NCAN: variants seen among roughly 807,000 people sequenced by gnomAD.
NCAN encodes the protein neurocan.
A neutral mutation model predicts 121.8 loss-of-function variants in NCAN; 47 were observed. The observed-to-expected ratio is 0.39, with a 90% CI of 0.31 to 0.49. NCAN has a LOEUF of 0.49. Ranked by LOEUF, NCAN falls within the 20% of genes least tolerant of loss-of-function variation. The pLI is 0.92. For missense variants in NCAN, 1,517 were observed against 1,773.4 expected (o/e 0.86, Z 2.60); for synonymous variants, 633 against 702.0 (o/e 0.90, Z 1.55).
chr19:19,219,693 G>T (rs1462501181), intron 3 of NCAN, among the ~76,000 whole-genome samples: 2 of 27,208 alleles, frequency 7.4e-5, no homozygotes, highest in African/African-American at 1.3e-4. Flanking sequence ...AAAAAAAAAA[G>T]GAAAGAAATC....
intron 14 of NCAN, 88 bp from the exon 15 acceptor site, chr19:19,249,678 C>T: frequency 6.6e-7 from 1 of 1,517,022 alleles, no homozygotes. Flanking sequence ...CTTTCCTCTA[C>T]TTTCTCTCCC....
At chr19:19,245,763 C>A (rs2060922276) in intron 13 of NCAN, among the ~76,000 whole-genome samples, 3 of 151,126 alleles carry the variant, frequency 2.0e-5, no homozygotes, top group Admixed American at 2.0e-4. Context: ...TATGCATAAG[C>A]CATTGTGCCC....
In NCAN at chr19:19,244,309, C is replaced by CTT. The variant is rs532412223; in HGVS notation, c.3493-988_3493-987dup. 2.6e-3 allele frequency among the ~76,000 whole-genome samples: 331 copies of CTT among 127,608 alleles called. 8 individuals are homozygous for CTT. The highest frequency in any genetic ancestry group is 5.1e-3 in the South Asian group (20 of 3,930). 83.7% of individuals were successfully genotyped at this position (127,608 alleles called of 152,430 possible). ...TGTTCCCTGTCTGAACCCTTACTAT[C>CTT]TTTTTTTTTTTTTTTTTGAGATAGA... On this transcript the variant is annotated intron_variant, in intron 12 of 14. Coordinates refer to ENST00000252575, the MANE Select transcript of NCAN (RefSeq NM_004386.3).
Position 19,219,310 on chromosome 19 carries a change from G to A in NCAN, c.469G>A (p.Val157Met). ...EDEQDLVPLE[V>M]TGVVFHYRSA... Reference sequence around the variant, plus strand: ...TGAGCAGGACCTGGTGCCCTTGGAGGTGACAGGTCAGTTGGGGGCAAAGGA... The same window carrying A: ...TGAGCAGGACCTGGTGCCCTTGGAGATGACAGGTCAGTTGGGGGCAAAGGA... The change falls in exon 3 of 15, where the codon GTG becomes ATG. Residue 157 changes from valine (V) to methionine (M), a missense_variant. Physicochemically the swap from Val to Met is conservative, Grantham distance 21. Coordinates refer to ENST00000252575, the MANE Select transcript of NCAN (RefSeq NM_004386.3). 3 of 1,539,210 alleles carry A rather than the reference G, an allele frequency of 1.9e-6. No homozygotes were observed. Among genetic ancestry groups the A allele is most frequent in the Non-Finnish European group, 1.7e-6 (2 of 1,145,414 alleles).
chr19:19,231,677 G>A (rs553146431), intron 8 of NCAN, among the ~76,000 whole-genome samples: 5 of 152,086 alleles, frequency 3.3e-5, no homozygotes, highest in African/African-American at 4.8e-5. Flanking sequence ...TGCTTAGCTC[G>A]TTGGCATAAA....
At position 19,245,415 on chromosome 19, in the gene NCAN, C is replaced by T. The variant is rs1218828106; in HGVS notation, c.3595C>T (p.Pro1199Ser). The T allele has an allele frequency of 1.2e-6, 2 of 1,614,218 alleles. No individual in the cohort carries two copies. The highest frequency in any genetic ancestry group is 2.2e-5 in the East Asian group (1 of 44,886). The change falls in exon 13 of 15, where the codon CCC (proline) becomes TCC (serine). Residue 1199 changes from proline to serine, a missense_variant. Pro to Ser is a moderately conservative substitution (Grantham distance 74). Transcript: ENST00000252575. The part of the protein sequence containing the change: ...AHESGRWNDV[P>S]CNYNLPYVCK... ...TGAAAGCGGGCGCTGGAACGATGTC[C>T]CCTGCAACTACAACCTACCCTATGT... is the stretch of plus-strand genomic sequence containing the variant.
intron 11 of NCAN, 163 bp downstream of exon 11, chr19:19,238,574 T>C: frequency 2.7e-6 from 2 of 734,458 alleles, no homozygotes; most frequent in South Asian, 3.6e-5. Flanking sequence ...ATGCATGAAA[T>C]CTGTCAATTC....
chr19:19,230,040 C>G (rs1002049574), intron 8 of NCAN, among the ~76,000 whole-genome samples: 2 of 152,064 alleles, frequency 1.3e-5, no homozygotes, highest in Admixed American at 6.6e-5. Context: ...CTGAGTTGCA[C>G]ACTTTTTTTT....
At chr19:19,247,496 G>A (rs529688894) in intron 13 of NCAN, among the ~76,000 whole-genome samples, 39 of 152,078 alleles carry the variant, frequency 2.6e-4, no homozygotes, top group South Asian at 1.7e-3. Context: ...CTTGTGATCC[G>A]CCTGCCTCGG....
At chr19:19,241,932 C>A (rs754816542) in intron 12 of NCAN, among the ~76,000 whole-genome samples, 8 of 152,090 alleles carry the variant, frequency 5.3e-5, no homozygotes, top group Admixed American at 5.2e-4. Flanking sequence ...CAGTGGCTCA[C>A]GCCTATGATC....
Position 19,225,318 on chromosome 19 carries a change from GA to G in NCAN, c.1072+50del. The G allele has an allele frequency of 6.8e-7, 1 of 1,468,602 alleles. No individual in the cohort carries two copies. The highest frequency in any genetic ancestry group is 8.9e-7 in the Non-Finnish European group (1 of 1,125,028). 91.0% of individuals were successfully genotyped at this position (1,468,602 alleles called of 1,614,324 possible). A position where few individuals can be genotyped will look rare whatever the true frequency, so the allele number is the denominator to read the frequency against. ...GCGCCCCCAGGGCTTTCACTTTGGC[GA>G]AGGCCACGTCCCTGAAAGCCTCGCC... On this transcript the variant is annotated intron_variant, in intron 6 of 14. Transcript: ENST00000252575. The surrounding 1 kb of genome is among the most constrained non-coding windows in gnomAD (Gnocchi z 4.0).
In NCAN at chr19:19,251,851, T is replaced by A; in HGVS notation, c.*1940T>A. On this transcript the variant is annotated 3_prime_UTR_variant, in exon 15 of 15. Transcript: ENST00000252575. ...AGTTTAAAATAATAATAATAACACA[T>A]CTTTGGTCATCTATGTCACACAAAA... 6.6e-6 allele frequency: 1 copy of A among 151,826 alleles called. No individual in the cohort carries two copies. Among genetic ancestry groups the A allele is most frequent in the East Asian group, 1.9e-4 (1 of 5,172 alleles). 9.4% of individuals were successfully genotyped at this position (151,826 alleles called of 1,614,324 possible).
At chr19:19,239,526 T>C (rs28628330) in intron 11 of NCAN, among the ~76,000 whole-genome samples, 8,379 of 110,558 alleles carry the variant, frequency 0.076, 663 homozygotes, top group African/African-American at 0.2. Context: ...TCTCCTCCCC[T>C]TCCTCCTTCC....
chr19:19,227,029 G>A lies in NCAN; in HGVS notation c.1616G>A (p.Ser539Asn). Residue 539 changes from serine (S) to asparagine (N), a missense_variant, in exon 7 of 15, where the codon AGC becomes AAC. Coordinates refer to ENST00000252575, the MANE Select transcript of NCAN (RefSeq NM_004386.3). This position sits in a 1 kb window ranked among gnomAD's most constrained non-coding sequence, Gnocchi z 4.2. Reference sequence around the variant, plus strand: ...ATGTTGGGCAGTGGCCAGAGCCGGAGCCCCTGGGCTGATCTGACCAATGAG... The same window carrying A: ...ATGTTGGGCAGTGGCCAGAGCCGGAACCCCTGGGCTGATCTGACCAATGAG... ...TEMLGSGQSR[S>N]PWADLTNEVD... 1 of 1,520,148 alleles carries A rather than the reference G, an allele frequency of 6.6e-7. No individual in the cohort carries two copies. Among genetic ancestry groups the A allele is most frequent in the Non-Finnish European group, 8.8e-7 (1 of 1,135,474 alleles). 94.2% of individuals were successfully genotyped at this position (1,520,148 alleles called of 1,614,324 possible).
intron 8 of NCAN, among the ~76,000 whole-genome samples, chr19:19,232,175 TGA>T (rs2060862494): frequency 6.6e-6 from 1 of 152,100 alleles, no homozygotes; most frequent in South Asian, 2.1e-4. Context: ...GGGCTGAGGC[TGA>T]GTCTGTCTTG....
Position 19,245,502 on chromosome 19 carries a change from C to T in NCAN, c.3637+45C>T, listed in dbSNP as rs746114135. On this transcript the variant is annotated intron_variant, in intron 13 of 14. Coordinates refer to ENST00000252575, the MANE Select transcript of NCAN (RefSeq NM_004386.3). ...TCTTTTCCTCTCTGTCACTTTTGCT[C>T]ACTGGTTCTCTGTTGCCCAGGCTGG... is the stretch of plus-strand genomic sequence containing the variant. The T allele has an allele frequency of 3.1e-6, 5 of 1,594,958 alleles. No individual in the cohort carries two copies. The South Asian group carries it at 5.6e-5, about 18-fold the overall frequency.
At chr19:19,246,641 C>T (rs560070880) in intron 13 of NCAN, among the ~76,000 whole-genome samples, 2 of 152,192 alleles carry the variant, frequency 1.3e-5, no homozygotes, top group African/African-American at 4.8e-5. Context: ...TCAAGCGATT[C>T]TCCTGCCTCA....
rs1249310939 is a variant in NCAN at position 19,212,975 on chromosome 19, G to T, written c.-8+911G>T. The stretch of plus-strand genomic sequence containing the variant: ...GTGGAAGCGCTGGCTTGGTTTGGGG[G>T]CACAGGGGCTGGGAAGTAAGGGGCT... On this transcript the variant is annotated intron_variant, in intron 1 of 14. Coordinates refer to ENST00000252575, the MANE Select transcript of NCAN (RefSeq NM_004386.3). The surrounding 1 kb of genome is among the most constrained non-coding windows in gnomAD (Gnocchi z 4.5). Among the ~76,000 whole-genome samples, 1 of 152,218 alleles carries T rather than the reference G, an allele frequency of 6.6e-6. No homozygotes were observed. Among genetic ancestry groups the T allele is most frequent in the East Asian group, 1.9e-4 (1 of 5,190 alleles).
intron 3 of NCAN, among the ~76,000 whole-genome samples, chr19:19,221,295 T>G (rs970975905): frequency 6.7e-6 from 1 of 150,302 alleles, no homozygotes; most frequent in Non-Finnish European, 1.5e-5. Context: ...ATCCCAGCAT[T>G]TTGGGAGGTC....
Sources: allele counts gnomAD v4.1 joint callset (sites outside exome capture counted in the v4.1 genomes callset), GRCh38; gene constraint gnomAD v4.1.1; non-coding constraint Gnocchi (gnomAD v3.1); transcripts MANE v1.5; gene names NCBI Gene and HGNC (gene_info 2026-07-23, HGNC 2026-07-21).